CELF5: variants seen among roughly 807,000 people sequenced by gnomAD.
The protein encoded by CELF5 is CUG-BP and ETR-3 like factor 5.
A neutral mutation model predicts 54.9 loss-of-function variants in CELF5; 6 were observed. The observed-to-expected ratio is 0.11, with a 90% CI of 0.06 to 0.22. The LOEUF (loss-of-function observed/expected upper bound fraction) is 0.22, where lower values mean the gene tolerates loss of function less well. Ranked by LOEUF, CELF5 falls within the 10% of genes least tolerant of loss-of-function variation. CELF5 has a pLI of 1.00. For synonymous variants in CELF5, 271 were observed against 290.9 expected, an observed-to-expected ratio of 0.93 and a Z score of 0.70; for missense variants, 401 against 678.6, an observed-to-expected ratio of 0.59 and a Z score of 4.54.
intron 2 of CELF5, among the ~76,000 whole-genome samples, chr19:3,271,483 G>A (rs1334179316): frequency 6.6e-6 from 1 of 152,142 alleles, no homozygotes; most frequent in Non-Finnish European, 1.5e-5. Flanking sequence ...GCGGCTGGGC[G>A]GCAGGAAGGT....
chr19:3,290,407 C>CA, intron 11 of CELF5, 33 bp downstream of exon 11: 1 of 1,610,670 alleles, frequency 6.2e-7, no homozygotes, highest in Non-Finnish European at 8.5e-7. Context: ...CCTCCCCATC[C>CA]ACCTCCCTCG....
At chr19:3,253,414 C>A (rs1022831390) in intron 2 of CELF5, among the ~76,000 whole-genome samples, 2 of 152,152 alleles carry the variant, frequency 1.3e-5, no homozygotes, top group East Asian at 1.9e-4. Context: ...CAAGCTGGCT[C>A]CCTCTAGTGA....
chr19:3,257,578 C>T (rs937569579), intron 2 of CELF5, among the ~76,000 whole-genome samples: 1 of 150,310 alleles, frequency 6.7e-6, no homozygotes, highest in Non-Finnish European at 1.5e-5. Context: ...CGGGTTCAAG[C>T]GATTCTCCTG....
intron 2 of CELF5, among the ~76,000 whole-genome samples, chr19:3,261,976 G>T (rs1375286520): frequency 6.6e-6 from 1 of 152,104 alleles, no homozygotes; most frequent in Non-Finnish European, 1.5e-5. Flanking sequence ...CCGTGAGGCT[G>T]TTGAGCCTTT....
At chr19:3,238,335 G>A (rs755513359) in intron 1 of CELF5, among the ~76,000 whole-genome samples, 15 of 147,074 alleles carry the variant, frequency 1.0e-4, no homozygotes, top group Non-Finnish European at 1.9e-4. Context: ...ATCCCGCAGG[G>A]CCCAAACCAG....
At position 3,284,860 on chromosome 19, in the gene CELF5, T is replaced by G. The variant is rs371567839; in HGVS notation, c.1040-42T>G. 78 of 1,588,482 alleles carry G rather than the reference T, an allele frequency of 4.9e-5. No individual in the cohort carries two copies. The African/African-American group carries it at 9.9e-4, about 20-fold the overall frequency. ...AAGGATCGGGGGTGGATGGAAGACT[T>G]CTGCTGCTCCCGCCCCACTCAGCCC... On this transcript the variant is annotated intron_variant, in intron 8 of 12. Transcript: ENST00000292672.
At chr19:3,234,240 T>C (rs1388473822) in intron 1 of CELF5, among the ~76,000 whole-genome samples, 1 of 152,030 alleles carries the variant, frequency 6.6e-6, no homozygotes, top group Non-Finnish European at 1.5e-5. Flanking sequence ...TCTAGTGATG[T>C]GGTTCGTTCT....
At chr19:3,274,928 T>C (rs1397214145) in intron 3 of CELF5, among the ~76,000 whole-genome samples, 1 of 151,818 alleles carries the variant, frequency 6.6e-6, no homozygotes, top group East Asian at 1.9e-4. Context: ...TCCCTCTGTA[T>C]CTCCTTCTCC....
intron 1 of CELF5, among the ~76,000 whole-genome samples, chr19:3,234,450 G>A (rs530084883): frequency 1.2e-4 from 18 of 152,296 alleles, no homozygotes; most frequent in Non-Finnish European, 2.6e-4. Context: ...AATGTCTGGA[G>A]ACATTTGTGG....
chr19:3,266,567 A>C (rs1027864042), intron 2 of CELF5, among the ~76,000 whole-genome samples: 2 of 152,174 alleles, frequency 1.3e-5, no homozygotes, highest in Non-Finnish European at 2.9e-5. Flanking sequence ...GTTGGGGGAC[A>C]CTTGGGTTGT....
intron 2 of CELF5, among the ~76,000 whole-genome samples, chr19:3,253,161 C>G (rs76560401): frequency 3.9e-5 from 6 of 151,966 alleles, no homozygotes; most frequent in African/African-American, 1.4e-4. Context: ...CAACCAGAAG[C>G]TGGAGGGCAG....
chr19:3,292,375 C>G (rs556184522), intron 11 of CELF5, among the ~76,000 whole-genome samples: 350 of 151,278 alleles, frequency 2.3e-3, no homozygotes, highest in Non-Finnish European at 3.6e-3. Context: ...GCTCCATCTC[C>G]CAGGCTCAAG....
intron 2 of CELF5, among the ~76,000 whole-genome samples, chr19:3,270,293 G>T (rs571355814): frequency 2.0e-5 from 3 of 152,160 alleles, no homozygotes; most frequent in Non-Finnish European, 4.4e-5. Context: ...CTGAAGAAAC[G>T]GAGAGGAAGG....
Position 3,225,691 on chromosome 19 carries a change from C to A in CELF5, c.259+693C>A, listed in dbSNP as rs1916867114. The A allele has an allele frequency of 1.6e-5, 11 of 672,898 alleles. No individual in the cohort carries two copies. The South Asian group carries it at 6.5e-4, about 40-fold the overall frequency. The allele number at this position is 672,898 out of a possible 1,614,324, so 41.7% of individuals were successfully genotyped here. A position where few individuals can be genotyped will look rare whatever the true frequency, so the allele number is the denominator to read the frequency against. ...CGCCCGCCTCGCCTGCCTCGGGTGG[C>A]GGAGAGGCTCCCGTCGCTGCCCACC... On this transcript the variant is annotated intron_variant, in intron 1 of 12. Transcript: ENST00000292672.
chr19:3,238,297 T>C (rs2079444971), intron 1 of CELF5, among the ~76,000 whole-genome samples: 2 of 152,122 alleles, frequency 1.3e-5, no homozygotes, highest in African/African-American at 2.4e-5. Flanking sequence ...CTGACAGTAC[T>C]TCCCTCTGAT....
At chr19:3,272,165 A>G (rs1323573256) in intron 2 of CELF5, among the ~76,000 whole-genome samples, 1 of 152,128 alleles carries the variant, frequency 6.6e-6, no homozygotes, top group Non-Finnish European at 1.5e-5. Flanking sequence ...CAGCAGATCG[A>G]GACCATCCTG....
chr19:3,256,168 A>G (rs2079722569), intron 2 of CELF5, among the ~76,000 whole-genome samples: 1 of 152,030 alleles, frequency 6.6e-6, no homozygotes, highest in Non-Finnish European at 1.5e-5. Context: ...CTCACTCCCC[A>G]GACACTGACG....
chr19:3,258,109 C>A (rs1199456577), intron 2 of CELF5, among the ~76,000 whole-genome samples: 1 of 151,916 alleles, frequency 6.6e-6, no homozygotes, highest in Non-Finnish European at 1.5e-5. Flanking sequence ...AGGTGCCTGC[C>A]ACCAAGCCAG....
At chr19:3,229,919 C>A (rs1013846830) in intron 1 of CELF5, among the ~76,000 whole-genome samples, 13 of 152,090 alleles carry the variant, frequency 8.5e-5, no homozygotes, top group African/African-American at 3.1e-4. Flanking sequence ...TCAGGGTCCC[C>A]TTCTTCTATG....
Sources: allele counts gnomAD v4.1 joint callset (sites outside exome capture counted in the v4.1 genomes callset), GRCh38; gene constraint gnomAD v4.1.1; transcripts MANE v1.5; gene names NCBI Gene and HGNC (gene_info 2026-07-23, HGNC 2026-07-21).